RBM27: variants seen among roughly 807,000 people sequenced by gnomAD.
RBM27 encodes RNA-binding protein 27.
RBM27 carries 22 observed loss-of-function variants against 135.3 expected under a neutral mutation model. The ratio of observed to expected loss-of-function variants is 0.16; its 90% CI spans 0.12 to 0.23. RBM27 has a LOEUF of 0.23. Among genes scored for constraint, RBM27 ranks in the 10% least tolerant of loss-of-function variants. The pLI is 1.00. For synonymous variants in RBM27, 481 were observed against 442.4 expected (o/e 1.09, Z -1.10); for missense variants, 1,009 against 1,281.0 (o/e 0.79, Z 3.24).
At chr5:146,232,859 G>A (rs531101063) in intron 6 of RBM27, among the ~76,000 whole-genome samples, 4 of 152,252 alleles carry the variant, frequency 2.6e-5, no homozygotes, top group East Asian at 3.9e-4. Context: ...GAGCGACTGC[G>A]CCCAGCCCTG....
At chr5:146,243,708 C>T (rs1045357255) in intron 8 of RBM27, among the ~76,000 whole-genome samples, 6 of 152,088 alleles carry the variant, frequency 3.9e-5, no homozygotes, top group African/African-American at 1.4e-4. Flanking sequence ...AAAAGTTTAA[C>T]AAGTTGGGAA....
intron 6 of RBM27, among the ~76,000 whole-genome samples, chr5:146,231,609 A>G (rs1373019514): frequency 3.3e-5 from 5 of 151,836 alleles, no homozygotes; most frequent in Admixed American, 1.3e-4. Context: ...TTTTTAAAAG[A>G]ATTTTATTTA....
chr5:146,229,875 G>A lies in RBM27; in HGVS notation c.554G>A (p.Gly185Glu). The change falls in exon 5 of 21, where the codon GGG becomes GAG. Residue 185 changes from glycine (G) to glutamate (E), a missense_variant. By Grantham distance (98) the Gly-to-Glu change is moderately conservative (BLOSUM62 -2). Coordinates refer to ENST00000265271, the MANE Select transcript of RBM27 (RefSeq NM_018989.2). ...GLSRSRSRSR[G>E]RSKDRDPNRN... Reference sequence around the variant, plus strand: ...AGTCGCAGTAGAAGCCGAAGTAGGGGGCGCAGCAAAGACCGGGATCCAAAT... The same window carrying A: ...AGTCGCAGTAGAAGCCGAAGTAGGGAGCGCAGCAAAGACCGGGATCCAAAT... The A allele has an allele frequency of 6.2e-7, 1 of 1,613,918 alleles. No individual in the cohort carries two copies. Among genetic ancestry groups the A allele is most frequent in the Non-Finnish European group, 8.5e-7 (1 of 1,179,914 alleles).
At chr5:146,271,715 G>A (rs1369024205) in intron 19 of RBM27, 41 bp downstream of exon 19, 3 of 1,525,530 alleles carry the variant, frequency 2.0e-6, no homozygotes, top group Admixed American at 1.7e-5. Context: ...TAAAAACACT[G>A]TGCTCATCAT....
chr5:146,282,839 A>T (rs1004075919), intron 19 of RBM27, among the ~76,000 whole-genome samples: 1 of 152,218 alleles, frequency 6.6e-6, no homozygotes, highest in Non-Finnish European at 1.5e-5. Context: ...CCATTTGTGT[A>T]TGAGAATTCC....
intron 1 of RBM27, among the ~76,000 whole-genome samples, chr5:146,217,396 G>T (rs1408028866): frequency 3.4e-5 from 5 of 148,666 alleles, no homozygotes; most frequent in Non-Finnish European, 4.5e-5. Flanking sequence ...CTGGTGCTTG[G>T]TTTTTATTTT....
At chr5:146,261,927 T>A in intron 13 of RBM27, 121 bp downstream of exon 13, 1 of 959,512 alleles carries the variant, frequency 1.0e-6, no homozygotes, top group Non-Finnish European at 1.6e-6. Flanking sequence ...TGCAGACCAG[T>A]AGCATCTGAT....
chr5:146,237,534 T>C, intron 8 of RBM27, 102 bp downstream of exon 8: 1 of 1,288,884 alleles, frequency 7.8e-7, no homozygotes, highest in Non-Finnish European at 1.1e-6. Context: ...TTTCTGTTCT[T>C]ATGGATTCTA....
Position 146,203,625 on chromosome 5 carries a change from C to G in RBM27, c.-141C>G. The G allele has an allele frequency of 1.4e-6, 1 of 730,620 alleles. No homozygotes were observed. Among genetic ancestry groups the G allele is most frequent in the South Asian group, 1.7e-5 (1 of 57,710 alleles). The allele number at this position is 730,620 out of a possible 1,614,324, so 45.3% of individuals were successfully genotyped here. The stretch of plus-strand genomic sequence containing the variant: ...GGGTTAGTTCCTGTTAGGCCCCGGC[C>G]GGGGGAGTAGGTTGAAGTCTCCTAA... On this transcript the variant is annotated 5_prime_UTR_variant, in exon 1 of 21. Coordinates refer to ENST00000265271, the MANE Select transcript of RBM27 (RefSeq NM_018989.2).
intron 19 of RBM27, among the ~76,000 whole-genome samples, chr5:146,276,401 ATTT>A (rs943220432): frequency 1.3e-5 from 2 of 152,136 alleles, no homozygotes; most frequent in Admixed American, 1.3e-4. Flanking sequence ...CTCCCACAAT[ATTT>A]ATATAATTCG....
chr5:146,230,414 G>A (rs1178708478), intron 5 of RBM27, among the ~76,000 whole-genome samples: 1 of 152,112 alleles, frequency 6.6e-6, no homozygotes, highest in Admixed American at 6.6e-5. Flanking sequence ...CTCTTTTTCA[G>A]TTAAGTGTAA....
chr5:146,262,396 T>C (rs1758436825), intron 13 of RBM27, among the ~76,000 whole-genome samples: 1 of 152,160 alleles, frequency 6.6e-6, no homozygotes. Context: ...TCCAAGAGAA[T>C]TGGAATTTTG....
chr5:146,236,139 A>T (rs574118078), intron 7 of RBM27, among the ~76,000 whole-genome samples: 129 of 152,364 alleles, frequency 8.5e-4, no homozygotes, highest in South Asian at 1.7e-3. Context: ...TCTATTTAAA[A>T]GTTAAATTCA....
chr5:146,204,983 C>T (rs1441662931), intron 1 of RBM27, among the ~76,000 whole-genome samples: 1 of 152,138 alleles, frequency 6.6e-6, no homozygotes, highest in African/African-American at 2.4e-5. Flanking sequence ...CTGCAACCTC[C>T]GCCTCCCGGG....
intron 19 of RBM27, among the ~76,000 whole-genome samples, chr5:146,273,805 A>T (rs1758971839): frequency 6.6e-6 from 1 of 152,242 alleles, no homozygotes; most frequent in Non-Finnish European, 1.5e-5. Context: ...ATGGATTTTA[A>T]TGAAGCTATT....
chr5:146,279,766 CCA>C (rs1759251688), intron 19 of RBM27, among the ~76,000 whole-genome samples: 1 of 150,092 alleles, frequency 6.7e-6, no homozygotes. Flanking sequence ...CCAGATTGCG[CCA>C]CTGCACTCCA....
chr5:146,207,951 G>GTTTTTTT lies in RBM27; in HGVS notation c.59+4144_59+4150dup, dbSNP rs11401604. On this transcript the variant is annotated intron_variant, in intron 1 of 20. Coordinates refer to ENST00000265271, the MANE Select transcript of RBM27 (RefSeq NM_018989.2). ...TGAGCCACCACACCTGGCCTAACAG[G>GTTTTTTT]TTTTTTTTTTTTTTTTTTTTTTTAA... Among the ~76,000 whole-genome samples, 11 of 81,208 alleles carry GTTTTTTT rather than the reference G, an allele frequency of 1.4e-4. No homozygotes were observed. The South Asian group carries it at 2.5e-3, about 19-fold the overall frequency. The allele number at this position is 81,208 out of a possible 152,430, so 53.3% of individuals were successfully genotyped here.
chr5:146,265,431 A>T (rs2126867570), intron 14 of RBM27, among the ~76,000 whole-genome samples: 1 of 152,322 alleles, frequency 6.6e-6, no homozygotes, highest in East Asian at 1.9e-4. Flanking sequence ...AACCAAAAAG[A>T]TAATTCATAT....
Position 146,267,701 on chromosome 5 carries a change from A to G in RBM27, c.2384A>G (p.Lys795Arg), listed in dbSNP as rs760329269. The change falls in exon 15 of 21, where the codon AAG becomes AGG. Residue 795 changes from lysine (K) to arginine (R), a missense_variant. Coordinates refer to ENST00000265271, the MANE Select transcript of RBM27 (RefSeq NM_018989.2). ...ATGATTTACAGCTCCTCAAACTTAA[A>G]GACACCTTCAAAGCTCTGTTCAGGG... is the stretch of plus-strand genomic sequence containing the variant. ...PKMIYSSSNL[K>R]TPSKLCSGSK... The G allele has an allele frequency of 5.6e-6, 9 of 1,609,012 alleles. No individual in the cohort carries two copies. Among genetic ancestry groups the G allele is most frequent in the South Asian group, 1.1e-5 (1 of 90,516 alleles).
Sources: allele counts gnomAD v4.1 joint callset (sites outside exome capture counted in the v4.1 genomes callset), GRCh38; gene constraint gnomAD v4.1.1; transcripts MANE v1.5; gene names NCBI Gene and HGNC (gene_info 2026-07-23, HGNC 2026-07-21).